The following GRID2 variants were observed in gnomAD, a reference collection of about 807,000 sequenced individuals.
The protein encoded by GRID2 is glutamate ionotropic receptor delta type subunit 2, also known as glutamate receptor ionotropic, delta-2.
Under a neutral mutation model 114.8 loss-of-function variants are expected in GRID2, and 33 were observed. That is an observed-to-expected ratio of 0.29 (90% CI 0.22 to 0.38). GRID2 has a LOEUF of 0.38. Among genes scored for constraint, GRID2 ranks in the 10% least tolerant of loss-of-function variants. GRID2 has a pLI of 1.00. For missense variants in GRID2, 1,184 were observed against 1,257.7 expected (o/e 0.94, Z 0.89); for synonymous variants, 505 against 449.9 (o/e 1.12, Z -1.55).
intron 1 of GRID2, among the ~76,000 whole-genome samples, chr4:92,496,635 T>C (rs1723402417): frequency 6.6e-6 from 1 of 151,802 alleles, no homozygotes; most frequent in South Asian, 2.1e-4. Context: ...AATTAAATTA[T>C]TGGAGTTTTT....
intron 2 of GRID2, among the ~76,000 whole-genome samples, chr4:92,860,104 T>G (rs960417495): frequency 2.0e-5 from 3 of 152,102 alleles, no homozygotes; most frequent in African/African-American, 7.2e-5. Context: ...ATTGTCTTTT[T>G]TTTTCTGGAC....
intron 1 of GRID2, among the ~76,000 whole-genome samples, chr4:93,798,323 T>C (rs13119689): frequency 0.49 from 74,313 of 151,732 alleles, 18,845 homozygotes; most frequent in Non-Finnish European, 0.55. Flanking sequence ...CAAAACATGA[T>C]CAGAAATAGC....
chr4:92,511,778 TG>T (rs999450748), intron 1 of GRID2, among the ~76,000 whole-genome samples: 4 of 151,828 alleles, frequency 2.6e-5, no homozygotes, highest in Admixed American at 2.6e-4. Context: ...AAGGAGGTTG[TG>T]GGGAAAAGAT....
rs373743453 is a variant in GRID2, at chr4:92,460,032, CTATATATATA to C, written c.89-130086_89-130077del. On this transcript the variant is annotated intron_variant, in intron 1 of 15. Transcript: ENST00000282020. Reference sequence around the variant, plus strand: ...AGCCCATTCCTTAAAATAAATCTCACTATATATATATATATATATATACACACACAACTTT... The same window carrying C: ...AGCCCATTCCTTAAAATAAATCTCACTATATATATATACACACACAACTTT... 4.5e-4 allele frequency among the ~76,000 whole-genome samples: 22 copies of C among 48,434 alleles called. 6 individuals carry two copies. Among genetic ancestry groups the C allele is most frequent in the Admixed American group, 2.9e-3 (11 of 3,762 alleles). 31.8% of individuals were successfully genotyped at this position (48,434 alleles called of 152,430 possible). A position where few individuals can be genotyped will look rare whatever the true frequency, so the allele number is the denominator to read the frequency against.
chr4:93,625,878 G>A (rs951432990), intron 13 of GRID2, among the ~76,000 whole-genome samples: 1 of 152,158 alleles, frequency 6.6e-6, no homozygotes, highest in Non-Finnish European at 1.5e-5. Context: ...TCGCGCCACT[G>A]CACTCCAGCC....
At chr4:93,739,758 C>A (rs575698979) in intron 14 of GRID2, among the ~76,000 whole-genome samples, 3 of 152,248 alleles carry the variant, frequency 2.0e-5, no homozygotes, top group African/African-American at 7.2e-5. Flanking sequence ...AAGAGCTTAA[C>A]AAATACTAGT....
chr4:93,152,628 T>C (rs937401392), intron 4 of GRID2, among the ~76,000 whole-genome samples: 1 of 152,126 alleles, frequency 6.6e-6, no homozygotes, highest in Non-Finnish European at 1.5e-5. Context: ...TGGAACCAAA[T>C]GGTGTTTGAT....
At chr4:93,317,070 T>C (rs765466238) in intron 8 of GRID2, among the ~76,000 whole-genome samples, 1 of 152,112 alleles carries the variant, frequency 6.6e-6, no homozygotes, top group Non-Finnish European at 1.5e-5. Flanking sequence ...ATTTTTGAGA[T>C]TCTAATTTTT....
rs1320090236 is a variant in GRID2, at chr4:92,411,649, G to GTATATATATATATATATA, written c.88+106906_88+106907insATATATATATATATATAT. On this transcript the variant is annotated intron_variant, in intron 1 of 15. Transcript: ENST00000282020. ...CATGTGTGTGTGTGTGTGTGTGTGT[G>GTATATATATATATATATA]TGTGTGTATATATATATATATATAT... Among the ~76,000 whole-genome samples the GTATATATATATATATATA allele has an allele frequency of 5.5e-3, 520 of 94,180 alleles. 4 individuals are homozygous for GTATATATATATATATATA. Among genetic ancestry groups the GTATATATATATATATATA allele is most frequent in the South Asian group, 8.8e-3 (27 of 3,082 alleles). 61.8% of individuals were successfully genotyped at this position (94,180 alleles called of 152,430 possible). A position where few individuals can be genotyped will look rare whatever the true frequency, so the allele number is the denominator to read the frequency against.
At chr4:93,435,832 A>G (rs1560616914) in intron 10 of GRID2, among the ~76,000 whole-genome samples, 1 of 152,156 alleles carries the variant, frequency 6.6e-6, no homozygotes, top group Non-Finnish European at 1.5e-5. Flanking sequence ...GGAAAATGAA[A>G]TAAGTAATCT....
intron 8 of GRID2, among the ~76,000 whole-genome samples, chr4:93,313,256 A>G (rs977973698): frequency 6.6e-6 from 1 of 152,126 alleles, no homozygotes. Context: ...GACATAAGGG[A>G]GCAGAGAGAA....
At chr4:92,322,370 C>G (rs1346698745) in intron 1 of GRID2, among the ~76,000 whole-genome samples, 1 of 151,348 alleles carries the variant, frequency 6.6e-6, no homozygotes, top group Non-Finnish European at 1.5e-5. Flanking sequence ...AATGTATTGT[C>G]CAGTTTATTG....
chr4:93,042,272 TCTTTC>T lies in GRID2; in HGVS notation c.245-42722_245-42718del, dbSNP rs1560821258. ...ATCTCTCTCTCTCTCTCTCTCTCTC[TCTTTC>T]TCTCTCTCTCTCTCTCTCTCTCTAT... is the stretch of plus-strand genomic sequence containing the variant. On this transcript the variant is annotated intron_variant, in intron 2 of 15. Transcript: ENST00000282020. Among the ~76,000 whole-genome samples, 12 of 78,530 alleles carry T rather than the reference TCTTTC, an allele frequency of 1.5e-4. No homozygotes were observed. The East Asian group carries it at 1.5e-3, about 10-fold the overall frequency. The allele number at this position is 78,530 out of a possible 152,430, so 51.5% of individuals were successfully genotyped here. A position where few individuals can be genotyped will look rare whatever the true frequency, so the allele number is the denominator to read the frequency against.
chr4:92,428,933 G>T (rs1732298312), intron 1 of GRID2, among the ~76,000 whole-genome samples: 2 of 151,920 alleles, frequency 1.3e-5, no homozygotes, highest in Non-Finnish European at 2.9e-5. Flanking sequence ...TGTTACTTAG[G>T]TATACATGTG....
At chr4:92,585,398 C>A (rs1355768428) in intron 1 of GRID2, among the ~76,000 whole-genome samples, 1 of 151,860 alleles carries the variant, frequency 6.6e-6, no homozygotes, top group African/African-American at 2.4e-5. Flanking sequence ...AAAGTTTGAA[C>A]TTTCTGACTA....
intron 1 of GRID2, among the ~76,000 whole-genome samples, chr4:92,487,525 G>A (rs1212869283): frequency 1.3e-5 from 2 of 151,752 alleles, no homozygotes; most frequent in Admixed American, 1.3e-4. Context: ...TAGACTGTGG[G>A]ATGAAGTGAT....
At chr4:93,277,726 C>T (rs181968701) in intron 8 of GRID2, among the ~76,000 whole-genome samples, 9 of 151,990 alleles carry the variant, frequency 5.9e-5, no homozygotes, top group African/African-American at 2.2e-4. Context: ...ACCACCACTC[C>T]TATCCCCACT....
At chr4:93,603,583 G>A (rs1003145057) in intron 13 of GRID2, among the ~76,000 whole-genome samples, 6 of 152,174 alleles carry the variant, frequency 3.9e-5, no homozygotes, top group Admixed American at 1.3e-4. Context: ...GATTTTCAAC[G>A]TAGATAAAAC....
chr4:92,768,236 C>A (rs1461555347), intron 2 of GRID2, among the ~76,000 whole-genome samples: 4 of 151,972 alleles, frequency 2.6e-5, no homozygotes, highest in African/African-American at 9.7e-5. Context: ...ATGTGTGTTC[C>A]TGTTACATAT....
Sources: allele counts gnomAD v4.1 joint callset (sites outside exome capture counted in the v4.1 genomes callset), GRCh38; gene constraint gnomAD v4.1.1; transcripts MANE v1.5; gene names NCBI Gene and HGNC (gene_info 2026-07-23, HGNC 2026-07-21).